The following SORCS3 variants were observed in gnomAD, a reference collection of about 807,000 sequenced individuals.
SORCS3 encodes the protein sortilin related VPS10 domain containing receptor 3, also known as VPS10 domain-containing receptor SorCS3.
A neutral mutation model predicts 146.3 loss-of-function variants in SORCS3; 57 were observed. The ratio of observed to expected loss-of-function variants is 0.39; its 90% confidence interval spans 0.31 to 0.49. The LOEUF (loss-of-function observed/expected upper bound fraction) is 0.49, where lower values mean the gene tolerates loss of function less well. Among genes scored for constraint, SORCS3 ranks in the 20% least tolerant of loss-of-function variants. The pLI, the probability that SORCS3 is intolerant of heterozygous loss-of-function variation, is 0.92. For missense variants in SORCS3, 1,341 were observed against 1,575.5 expected, an observed-to-expected ratio of 0.85 and a Z score of 2.52; for synonymous variants, 653 against 618.5, an observed-to-expected ratio of 1.06 and a Z score of -0.83.
At chr10:105,233,194 C>T (rs1240260344) in intron 20 of SORCS3, among the ~76,000 whole-genome samples, 9 of 151,590 alleles carry the variant, frequency 5.9e-5, no homozygotes, top group Non-Finnish European at 1.2e-4. Flanking sequence ...TTTTAAATAA[C>T]ACTATACCAC....
intron 4 of SORCS3, among the ~76,000 whole-genome samples, chr10:105,026,227 C>T (rs1480075462): frequency 6.6e-6 from 1 of 152,142 alleles, no homozygotes; most frequent in Non-Finnish European, 1.5e-5. Context: ...CCCTCCACAT[C>T]CCTACCTCCA....
intron 3 of SORCS3, among the ~76,000 whole-genome samples, chr10:104,937,971 C>T (rs900694634): frequency 3.9e-5 from 6 of 152,116 alleles, no homozygotes; most frequent in East Asian, 1.9e-4. Flanking sequence ...AAGTAGTAGA[C>T]GCTTGACCTG....
chr10:105,218,669 T>C (rs2056679479), intron 19 of SORCS3, among the ~76,000 whole-genome samples: 1 of 152,234 alleles, frequency 6.6e-6, no homozygotes, highest in East Asian at 1.9e-4. Context: ...CATTCCTTTG[T>C]TAAATGTCTA....
chr10:104,994,582 T>G (rs1241999752), intron 4 of SORCS3, among the ~76,000 whole-genome samples: 1 of 152,214 alleles, frequency 6.6e-6, no homozygotes. Context: ...TTCCTTGTGC[T>G]CCTTTGTAAT....
intron 4 of SORCS3, among the ~76,000 whole-genome samples, chr10:105,041,253 TGG>T (rs2055335991): frequency 6.7e-6 from 1 of 149,060 alleles, no homozygotes; most frequent in Non-Finnish European, 1.5e-5. Context: ...ATAGACCAAT[TGG>T]GATCTGTCTC....
At chr10:104,829,744 G>A (rs1186707303) in intron 1 of SORCS3, among the ~76,000 whole-genome samples, 2 of 152,112 alleles carry the variant, frequency 1.3e-5, no homozygotes, top group African/African-American at 4.8e-5. Flanking sequence ...TAAACTGTCA[G>A]CAGTATTTCA....
At chr10:105,092,452 A>G (rs2055716797) in intron 6 of SORCS3, among the ~76,000 whole-genome samples, 1 of 152,046 alleles carries the variant, frequency 6.6e-6, no homozygotes, top group African/African-American at 2.4e-5. Flanking sequence ...TGCTTTTTCA[A>G]TCTAGTAAAT....
At chr10:104,684,577 C>CCTG (rs1432094311) in intron 1 of SORCS3, among the ~76,000 whole-genome samples, 2 of 152,134 alleles carry the variant, frequency 1.3e-5, no homozygotes, top group Non-Finnish European at 2.9e-5. Flanking sequence ...CTCAGTGGAC[C>CCTG]CTGCTGCTGC....
At chr10:105,075,787 G>A (rs927524350) in intron 5 of SORCS3, among the ~76,000 whole-genome samples, 4 of 152,040 alleles carry the variant, frequency 2.6e-5, no homozygotes, top group Non-Finnish European at 4.4e-5. Context: ...CAGAGGGAAG[G>A]GATCCCTAGT....
rs2016385669 is a variant in SORCS3 at position 104,709,361 on chromosome 10, CAGA to C, written c.627+67413_627+67415del. 8.5e-5 allele frequency among the ~76,000 whole-genome samples: 13 copies of C among 152,246 alleles called. No individual in the cohort carries two copies. In the South Asian group the frequency reaches 2.7e-3, roughly 32 times the overall value. ...GAACAGTGGTCTCCAAGGAAAGCTC[CAGA>C]AGAAGTTGAAGTCTGGGTGGGATTT... On this transcript the variant is annotated intron_variant, in intron 1 of 26. Coordinates refer to ENST00000369701, the MANE Select transcript of SORCS3 (RefSeq NM_014978.3).
At chr10:105,043,328 C>T (rs1266042052) in intron 5 of SORCS3, among the ~76,000 whole-genome samples, 200 bp downstream of exon 5, 1 of 152,086 alleles carries the variant, frequency 6.6e-6, no homozygotes, top group African/African-American at 2.4e-5. Flanking sequence ...CCTATTAAGA[C>T]TTACGAAACT....
chr10:104,772,423 A>T (rs992331145), intron 1 of SORCS3, among the ~76,000 whole-genome samples: 5 of 152,196 alleles, frequency 3.3e-5, no homozygotes, highest in Non-Finnish European at 2.9e-5. Flanking sequence ...GATTAAGTTC[A>T]GGAAAGGAGC....
chr10:104,872,413 A>G (rs1245096866), intron 2 of SORCS3, among the ~76,000 whole-genome samples: 1 of 152,094 alleles, frequency 6.6e-6, no homozygotes, highest in Admixed American at 6.6e-5. Flanking sequence ...GGCCCAGGGA[A>G]GAAAATAGAG....
At chr10:104,976,801 T>C (rs146173736) in intron 3 of SORCS3, among the ~76,000 whole-genome samples, 3,685 of 152,146 alleles carry the variant, frequency 0.024, 81 homozygotes, top group Non-Finnish European at 0.039. Context: ...CAGTGAACTA[T>C]TGCAAGAACA....
chr10:104,728,065 A>G (rs934497029), intron 1 of SORCS3, among the ~76,000 whole-genome samples: 1 of 145,940 alleles, frequency 6.9e-6, no homozygotes, highest in African/African-American at 2.5e-5. Context: ...CTATCTATCT[A>G]TCTATCTAAT....
In SORCS3 at chr10:104,681,329, TC is replaced by T. The variant is rs2015971883; in HGVS notation, c.627+39380del. Among the ~76,000 whole-genome samples the T allele has an allele frequency of 9.4e-4, 7 of 7,448 alleles. 1 individual carries two copies. The East Asian group carries it at 0.12, about 133-fold the overall frequency. 4.9% of individuals were successfully genotyped at this position (7,448 alleles called of 152,430 possible). A position where few individuals can be genotyped will look rare whatever the true frequency, so the allele number is the denominator to read the frequency against. On this transcript the variant is annotated intron_variant, in intron 1 of 26. Transcript: ENST00000369701. ...CTTTCCCGGGCCGACTCCGTCATCC[TC>T]CCCCGCCCGCCCCTGCCTGCAGTGT...
chr10:104,873,109 C>T (rs1023585662), intron 2 of SORCS3, among the ~76,000 whole-genome samples: 4 of 152,302 alleles, frequency 2.6e-5, no homozygotes, highest in South Asian at 2.1e-4. Flanking sequence ...GCTGGTCACA[C>T]GAATGTGTCC....
intron 4 of SORCS3, among the ~76,000 whole-genome samples, chr10:105,034,363 T>C (rs2692331): frequency 0.22 from 32,877 of 152,020 alleles, 3,931 homozygotes; most frequent in African/African-American, 0.32. Context: ...GTTCATGGCA[T>C]GTTTGAGAAA....
intron 8 of SORCS3, among the ~76,000 whole-genome samples, chr10:105,146,983 C>G (rs938854875): frequency 1.3e-5 from 2 of 152,026 alleles, no homozygotes; most frequent in Admixed American, 6.6e-5. Context: ...GTTGAGTATC[C>G]TTTTCTCTAT....
Sources: allele counts gnomAD v4.1 joint callset (sites outside exome capture counted in the v4.1 genomes callset), GRCh38; gene constraint gnomAD v4.1.1; transcripts MANE v1.5; gene names NCBI Gene and HGNC (gene_info 2026-07-23, HGNC 2026-07-21).